SAMD8: variants seen among roughly 807,000 people sequenced by gnomAD.
SAMD8 encodes sterile alpha motif domain containing 8, also known as sphingomyelin synthase-related protein 1.
In SAMD8, 20 loss-of-function variants were observed where a neutral mutation model predicts 42.0. The observed-to-expected ratio is 0.48, with a 90% CI of 0.34 to 0.69. SAMD8 has a LOEUF of 0.69. Among genes scored for constraint, SAMD8 ranks in the 30% least tolerant of loss-of-function variants. The probability of loss-of-function intolerance (pLI) is 0.01; values close to 1 mark genes in which losing one functional copy is unlikely to be tolerated. For missense variants in SAMD8, 328 were observed against 511.6 expected (o/e 0.64, Z 3.46); for synonymous variants, 162 against 173.0 (o/e 0.94, Z 0.50).
chr10:75,107,204 G>A (rs1292342896), upstream of SAMD8, among the ~76,000 whole-genome samples: 3 of 152,170 alleles, frequency 2.0e-5, no homozygotes, highest in South Asian at 2.1e-4. Flanking sequence ...GTATGGTGGC[G>A]GATGCCTGTA....
At chr10:75,175,781 T>A in intron 4 of SAMD8, 1 of 555,666 alleles carries the variant, frequency 1.8e-6, no homozygotes, top group Non-Finnish European at 2.3e-6. Flanking sequence ...ACTCCTGACA[T>A]CAGGTGATCC....
At chr10:75,103,619 C>T (rs1444089701) in intron 1 of SAMD8, among the ~76,000 whole-genome samples, 1 of 152,206 alleles carries the variant, frequency 6.6e-6, no homozygotes, top group Non-Finnish European at 1.5e-5. Flanking sequence ...TACTACTCCC[C>T]GCTTGCACTC....
chr10:75,110,128 G>T (rs1848729592), upstream of SAMD8, among the ~76,000 whole-genome samples: 1 of 152,192 alleles, frequency 6.6e-6, no homozygotes, highest in African/African-American at 2.4e-5. Context: ...ATGGGGCAAG[G>T]TTTGAACAAT....
At chr10:75,139,338 G>C (rs1839965316) in intron 1 of SAMD8, among the ~76,000 whole-genome samples, 1 of 152,086 alleles carries the variant, frequency 6.6e-6, no homozygotes, top group Admixed American at 6.6e-5. Flanking sequence ...GGTGTAATAA[G>C]AGTTAGTATT....
In SAMD8 at chr10:75,176,340, C is replaced by A; in HGVS notation, c.944-48C>A. 1 of 1,589,460 alleles carries A rather than the reference C, an allele frequency of 6.3e-7. No individual in the cohort carries two copies. The highest frequency in any genetic ancestry group is 1.2e-5 in the South Asian group (1 of 86,552). ...TGACCTGAGAAACGTGACTGAGAAG[C>A]ATTGGAAGGAATGTAGCTTTAAAAT... is the stretch of plus-strand genomic sequence containing the variant. On this transcript the variant is annotated intron_variant, in intron 5 of 5. Coordinates refer to ENST00000542569, the MANE Select transcript of SAMD8 (RefSeq NM_001174156.2). The surrounding 1 kb of genome is among the most constrained non-coding windows in gnomAD (Gnocchi z 4.3).
chr10:75,102,397 C>T (rs996435100), intron 1 of SAMD8, among the ~76,000 whole-genome samples: 60 of 151,968 alleles, frequency 3.9e-4, no homozygotes, highest in East Asian at 9.7e-4. Context: ...GAGCCGAGAT[C>T]GCGCCACTGC....
intron 2 of SAMD8, among the ~76,000 whole-genome samples, chr10:75,162,214 C>T (rs1348392381): frequency 6.6e-6 from 1 of 152,140 alleles, no homozygotes. Context: ...CAAAAATTAG[C>T]TGGGCGTGGT....
At chr10:75,125,002 G>T (rs769516149) in intron 1 of SAMD8, among the ~76,000 whole-genome samples, 4 of 151,814 alleles carry the variant, frequency 2.6e-5, no homozygotes, top group Non-Finnish European at 4.4e-5. Context: ...GCCCAGGCTG[G>T]TTTTGAACTC....
chr10:75,102,399 C>T (rs1028811393), intron 1 of SAMD8, among the ~76,000 whole-genome samples: 5 of 151,826 alleles, frequency 3.3e-5, no homozygotes, highest in African/African-American at 1.2e-4. Context: ...GCCGAGATCG[C>T]GCCACTGCAC....
chr10:75,150,721 A>G lies in SAMD8; in HGVS notation c.193A>G (p.Ile65Val), dbSNP rs768595348. 3.1e-6 allele frequency: 5 copies of G among 1,614,226 alleles called. No individual in the cohort carries two copies. In the South Asian group the frequency reaches 3.3e-5, roughly 11 times the overall value. The change falls in exon 2 of 6, where the codon ATT (isoleucine) becomes GTT (valine). Residue 65 changes from isoleucine to valine, a missense_variant. This residue lies in a region of SAMD8 where 150 missense variants were observed against 186.0 expected (regional missense o/e 0.81). Coordinates refer to ENST00000542569, the MANE Select transcript of SAMD8 (RefSeq NM_001174156.2). ...PPLEIKVLGD[I>V]KRLMLSVRKL... ...TCTGGAAATCAAAGTCTTAGGGGAC[A>G]TTAAAAGGTTAATGCTCTCAGTCCG...
At chr10:75,152,054 T>C (rs1242196670) in intron 2 of SAMD8, among the ~76,000 whole-genome samples, 1 of 131,646 alleles carries the variant, frequency 7.6e-6, no homozygotes, top group East Asian at 3.1e-4. Flanking sequence ...TGGCTGCCTT[T>C]TTTTATTTTT....
chr10:75,101,361 C>T (rs1349786082), intron 1 of SAMD8, among the ~76,000 whole-genome samples: 1 of 152,188 alleles, frequency 6.6e-6, no homozygotes, highest in African/African-American at 2.4e-5. Context: ...ATTATCACTA[C>T]TATAATTACT....
chr10:75,151,222 T>G, intron 2 of SAMD8, 116 bp downstream of exon 2: 4 of 517,800 alleles, frequency 7.7e-6, no homozygotes, highest in Non-Finnish European at 1.3e-5. Flanking sequence ...ACTTTCCATT[T>G]GCTTTATCTG....
intron 1 of SAMD8, among the ~76,000 whole-genome samples, chr10:75,102,773 A>G (rs991214939): frequency 6.6e-6 from 1 of 152,048 alleles, no homozygotes; most frequent in Non-Finnish European, 1.5e-5. Context: ...ACTAACATGG[A>G]GAAAACCTGC....
upstream of SAMD8, chr10:75,108,121 C>G: frequency 1.9e-6 from 3 of 1,613,736 alleles, no homozygotes; most frequent in Non-Finnish European, 2.5e-6. Context: ...AAGTCAGGGC[C>G]GCCCTGACAG....
At chr10:75,102,474 A>G (rs1455152520) in intron 1 of SAMD8, among the ~76,000 whole-genome samples, 3 of 152,134 alleles carry the variant, frequency 2.0e-5, no homozygotes, top group African/African-American at 7.2e-5. Context: ...AAAAAGAAAA[A>G]AAGAGATAGT....
intron 1 of SAMD8, among the ~76,000 whole-genome samples, chr10:75,136,788 A>G (rs1839895916): frequency 6.6e-6 from 1 of 152,214 alleles, no homozygotes; most frequent in Non-Finnish European, 1.5e-5. Flanking sequence ...TTCTCCAAGC[A>G]AAATATACAA....
At chr10:75,144,334 A>G (rs1840088700) in intron 1 of SAMD8, among the ~76,000 whole-genome samples, 1 of 149,116 alleles carries the variant, frequency 6.7e-6, no homozygotes, top group African/African-American at 2.6e-5. Flanking sequence ...CATTATCACC[A>G]TCCATCTTTA....
intron 2 of SAMD8, among the ~76,000 whole-genome samples, chr10:75,153,234 A>G (rs1469297160): frequency 4.6e-5 from 7 of 151,936 alleles, no homozygotes; most frequent in Non-Finnish European, 1.0e-4. Context: ...CGCCCACCTC[A>G]GCCTCCCAAA....
Sources: gnomAD v4.1 joint callset for allele counts (sites outside exome capture counted in the v4.1 genomes callset) on GRCh38, gnomAD v4.1.1 for gene constraint, gnomAD v4.1.1 regional missense constraint, Gnocchi (gnomAD v3.1) non-coding constraint, MANE v1.5 for transcripts, NCBI Gene and HGNC (gene_info 2026-07-23, HGNC 2026-07-21) for gene names.